Variants in MRPL42 observed in about 807,000 individuals in gnomAD.
The protein encoded by MRPL42 is mitochondrial ribosomal protein L42, also known as large ribosomal subunit protein mL42.
MRPL42 carries 17 observed loss-of-function variants against 17.9 expected under a neutral mutation model. The observed-to-expected ratio is 0.95, with a 90% CI of 0.65 to 1.42. MRPL42 has a LOEUF of 1.42. MRPL42 is among the 40% of genes most tolerant of loss of function. MRPL42 has a pLI of 0.00. For synonymous variants in MRPL42, 59 were observed against 54.4 expected (o/e 1.08, Z -0.37); for missense variants, 177 against 175.2 (o/e 1.01, Z -0.06).
At chr12:93,480,104 CCTT>C (rs1880385327) in intron 4 of MRPL42, among the ~76,000 whole-genome samples, 2 of 151,934 alleles carry the variant, frequency 1.3e-5, no homozygotes, top group Admixed American at 6.6e-5. Flanking sequence ...CTTTAAGCCT[CCTT>C]CTACTAGGTA....
chr12:93,499,858 G>A (rs919297014), intron 5 of MRPL42, among the ~76,000 whole-genome samples: 5 of 152,088 alleles, frequency 3.3e-5, no homozygotes, highest in African/African-American at 1.2e-4. Context: ...AACAACTAAA[G>A]ATCACAGGGT....
chr12:93,485,007 T>TAC (rs60917887), intron 4 of MRPL42, among the ~76,000 whole-genome samples: 4 of 47,764 alleles, frequency 8.4e-5, no homozygotes, highest in African/African-American at 4.3e-4. Flanking sequence ...TATATATATA[T>TAC]ATATATATAT....
intron 1 of MRPL42, among the ~76,000 whole-genome samples, chr12:93,468,092 C>G (rs183198298): frequency 1.3e-5 from 2 of 152,260 alleles, no homozygotes; most frequent in Non-Finnish European, 2.9e-5. Context: ...ATTGACCTCT[C>G]TGAGCCTTTG....
rs1953681839 is a variant in MRPL42 at position 93,507,303 on chromosome 12, C to A, written c.*6082C>A. 2 of 152,152 alleles carry A rather than the reference C, an allele frequency of 1.3e-5. No individual in the cohort carries two copies. Among genetic ancestry groups the A allele is most frequent in the Non-Finnish European group, 2.9e-5 (2 of 68,032 alleles). The allele number at this position is 152,152 out of a possible 1,614,324, so 9.4% of individuals were successfully genotyped here. On this transcript the variant is annotated 3_prime_UTR_variant, in exon 6 of 6. Coordinates refer to ENST00000549982, the MANE Select transcript of MRPL42 (RefSeq NM_014050.4). Reference sequence around the variant, plus strand: ...TCCAGTTATGCATTCAGAGACACTCCACCTTATTTTCTGATTACATTTGCA... The same window carrying A: ...TCCAGTTATGCATTCAGAGACACTCAACCTTATTTTCTGATTACATTTGCA...
At chr12:93,492,281 A>G (rs1425427802) in intron 5 of MRPL42, among the ~76,000 whole-genome samples, 2 of 152,068 alleles carry the variant, frequency 1.3e-5, no homozygotes, top group Non-Finnish European at 2.9e-5. Flanking sequence ...GCCAACATTT[A>G]TTATTTTTAT....
intron 5 of MRPL42, among the ~76,000 whole-genome samples, chr12:93,491,492 G>T (rs1953412898): frequency 6.6e-6 from 1 of 152,186 alleles, no homozygotes; most frequent in Admixed American, 6.5e-5. Flanking sequence ...AGAGACCAAA[G>T]TGCTATATGA....
chr12:93,483,348 C>G (rs777957019), intron 4 of MRPL42, among the ~76,000 whole-genome samples: 1 of 152,140 alleles, frequency 6.6e-6, no homozygotes, highest in Non-Finnish European at 1.5e-5. Context: ...TTCATTGTTA[C>G]GTGAACATCA....
At position 93,478,759 on chromosome 12, in the gene MRPL42, G is replaced by A. The variant is rs80227846; in HGVS notation, c.135-629G>A. ...TGAAACCACGGTGAAACAATCTAAT[G>A]CCTATTCTTTGTTAGCTACAAATGT... On this transcript the variant is annotated intron_variant, in intron 3 of 5. Coordinates refer to ENST00000549982, the MANE Select transcript of MRPL42 (RefSeq NM_014050.4). Among the ~76,000 whole-genome samples, 463 of 152,134 alleles carry A rather than the reference G, an allele frequency of 3.0e-3. 5 individuals carry two copies. Among genetic ancestry groups the A allele is most frequent in the African/African-American group, 0.011 (442 of 41,496 alleles).
chr12:93,470,317 TG>T (rs1391529075), intron 2 of MRPL42, among the ~76,000 whole-genome samples: 8 of 152,220 alleles, frequency 5.3e-5, no homozygotes, highest in Non-Finnish European at 1.0e-4. Flanking sequence ...CAGCCAACTG[TG>T]CTTTCTTTTT....
chr12:93,469,124 TC>T (rs1432404271), intron 1 of MRPL42, 67 bp from the exon 2 acceptor site: 2 of 552,690 alleles, frequency 3.6e-6, no homozygotes, highest in Non-Finnish European at 6.3e-6. Context: ...CTTACCTTGT[TC>T]TTGTGGTGTT....
Position 93,467,856 on chromosome 12 carries a change from C to T in MRPL42, c.-95+302C>T, listed in dbSNP as rs560518326. 2.6e-5 allele frequency among the ~76,000 whole-genome samples: 4 copies of T among 152,314 alleles called. No individual in the cohort carries two copies. The South Asian group carries it at 8.3e-4, about 32-fold the overall frequency. ...GCCTGTTCCTCAAACCTCTGACCCT[C>T]AGAGGCTCTGTAGCTTTTGTTTTGG... On this transcript the variant is annotated intron_variant, in intron 1 of 5. Transcript: ENST00000549982.
At chr12:93,488,161 G>A (rs1021844502) in intron 5 of MRPL42, 3 of 359,418 alleles carry the variant, frequency 8.3e-6, no homozygotes, top group Non-Finnish European at 9.9e-6. Flanking sequence ...CATTAGAGGC[G>A]GGGTTTTACC....
chr12:93,488,306 C>G (rs1953346387), intron 5 of MRPL42: 3 of 398,492 alleles, frequency 7.5e-6, no homozygotes, highest in Non-Finnish European at 1.3e-5. Flanking sequence ...GTCTCACTCA[C>G]TGTGTTGCGC....
intron 4 of MRPL42, among the ~76,000 whole-genome samples, chr12:93,480,275 C>A (rs1880394209): frequency 6.6e-6 from 1 of 151,840 alleles, no homozygotes; most frequent in Non-Finnish European, 1.5e-5. Context: ...CACCTGCCAC[C>A]ACGCCCGGCT....
chr12:93,485,478 T>A (rs1880699713), intron 4 of MRPL42, among the ~76,000 whole-genome samples: 1 of 152,080 alleles, frequency 6.6e-6, no homozygotes, highest in African/African-American at 2.4e-5. Context: ...TTCATGTGCA[T>A]AAACTAGATA....
At position 93,513,316 on chromosome 12, in the gene MRPL42, C is replaced by A. The variant is rs1207564211; in HGVS notation, c.*12095C>A. On this transcript the variant is annotated 3_prime_UTR_variant, in exon 6 of 6. Transcript: ENST00000549982. The stretch of plus-strand genomic sequence containing the variant: ...GCTCAAGCAATCCTCTCACCTCAGC[C>A]TGCAGCTGGAGCTTCAGGTGTCTGC... The A allele has an allele frequency of 6.6e-6, 1 of 151,140 alleles. No homozygotes were observed. The highest frequency in any genetic ancestry group is 1.9e-4 in the East Asian group (1 of 5,154). 9.4% of individuals were successfully genotyped at this position (151,140 alleles called of 1,614,324 possible).
intron 2 of MRPL42, among the ~76,000 whole-genome samples, chr12:93,471,244 A>G (rs979311377): frequency 3.3e-5 from 5 of 152,140 alleles, no homozygotes; most frequent in Non-Finnish European, 7.4e-5. Context: ...GCACACTGCA[A>G]CTTCTGCCTC....
rs560793473 is a variant in MRPL42, at chr12:93,469,917, G to A, written c.70+562G>A. Among the ~76,000 whole-genome samples, 13 of 152,060 alleles carry A rather than the reference G, an allele frequency of 8.5e-5. No individual in the cohort carries two copies. The East Asian group carries it at 2.5e-3, about 29-fold the overall frequency. On this transcript the variant is annotated intron_variant, in intron 2 of 5. Coordinates refer to ENST00000549982, the MANE Select transcript of MRPL42 (RefSeq NM_014050.4). The stretch of plus-strand genomic sequence containing the variant: ...GGATTTGGCTGAGGGCAGGAGTAAG[G>A]GACTGGTCAAGGGTAACTTTCTCTT...
At chr12:93,488,355 C>T (rs527677825) in intron 5 of MRPL42, 3 of 398,334 alleles carry the variant, frequency 7.5e-6, no homozygotes, top group Non-Finnish European at 1.3e-5. Context: ...TGATCCTCCT[C>T]CCTCAGCTGG....
Sources: allele counts gnomAD v4.1 joint callset (sites outside exome capture counted in the v4.1 genomes callset), GRCh38; gene constraint gnomAD v4.1.1; transcripts MANE v1.5; gene names NCBI Gene and HGNC (gene_info 2026-07-23, HGNC 2026-07-21).